RTN1: variants seen among roughly 807,000 people sequenced by gnomAD.
The protein encoded by RTN1 is reticulon-1.
Under a neutral mutation model 65.5 loss-of-function variants are expected in RTN1, and 25 were observed. The observed-to-expected ratio is 0.38, with a 90% CI of 0.28 to 0.53. The LOEUF (loss-of-function observed/expected upper bound fraction) is 0.53, where lower values mean the gene tolerates loss of function less well. Among genes scored for constraint, RTN1 ranks in the 20% least tolerant of loss-of-function variants. The pLI is 0.79. For synonymous variants in RTN1, 471 were observed against 447.6 expected, an observed-to-expected ratio of 1.05 and a Z score of -0.66; for missense variants, 983 against 1,025.4, an observed-to-expected ratio of 0.96 and a Z score of 0.57.
chr14:59,627,522 C>CT (rs1162883078), intron 3 of RTN1, among the ~76,000 whole-genome samples: 1 of 152,216 alleles, frequency 6.6e-6, no homozygotes, highest in Admixed American at 6.5e-5. Context: ...AGATTGTTAT[C>CT]TATACAGGTG....
chr14:59,712,251 A>G (rs1692706479), intron 3 of RTN1, among the ~76,000 whole-genome samples: 1 of 152,218 alleles, frequency 6.6e-6, no homozygotes, highest in African/African-American at 2.4e-5. Flanking sequence ...AAATCTATAT[A>G]CAGCAGATAG....
At chr14:59,858,119 C>A (rs74061333) in intron 1 of RTN1, among the ~76,000 whole-genome samples, 48 of 152,296 alleles carry the variant, frequency 3.2e-4, no homozygotes, top group African/African-American at 1.1e-3. Flanking sequence ...TATCTCCCAA[C>A]TGGATGGTAA....
chr14:59,811,338 C>A (rs1028003477), intron 1 of RTN1, among the ~76,000 whole-genome samples: 1 of 152,324 alleles, frequency 6.6e-6, no homozygotes, highest in Middle Eastern at 3.4e-3. Flanking sequence ...AATGAACTGA[C>A]ACTTCTAGTC....
At chr14:59,767,921 A>G (rs1272435312) in intron 1 of RTN1, among the ~76,000 whole-genome samples, 2 of 152,222 alleles carry the variant, frequency 1.3e-5, no homozygotes, top group Non-Finnish European at 1.5e-5. Context: ...AGCTACATAC[A>G]TCAGTTAACC....
intron 1 of RTN1, among the ~76,000 whole-genome samples, chr14:59,784,538 A>G (rs1886218124): frequency 6.6e-6 from 1 of 152,054 alleles, no homozygotes; most frequent in South Asian, 2.1e-4. Flanking sequence ...GGTCAAATCT[A>G]CAGATTTTTG....
At chr14:59,744,655 C>A (rs1255856255) in intron 2 of RTN1, among the ~76,000 whole-genome samples, 1 of 152,056 alleles carries the variant, frequency 6.6e-6, no homozygotes, top group Non-Finnish European at 1.5e-5. Context: ...TATAAAATGA[C>A]AGTGTTGAGA....
At chr14:59,869,590 G>A (rs1021137057) in intron 1 of RTN1, among the ~76,000 whole-genome samples, 3 of 122,344 alleles carry the variant, frequency 2.5e-5, no homozygotes, top group Non-Finnish European at 5.0e-5. Context: ...GGGGGGGGGG[G>A]GGCGCTTAGA....
intron 3 of RTN1, among the ~76,000 whole-genome samples, chr14:59,700,981 T>C (rs1665355026): frequency 6.6e-6 from 1 of 152,078 alleles, no homozygotes; most frequent in African/African-American, 2.4e-5. Flanking sequence ...ATAAGGAGAA[T>C]GTACCTAGAA....
chr14:59,597,885 CCCG>C (rs1881452259), intron 8 of RTN1, among the ~76,000 whole-genome samples: 1 of 151,978 alleles, frequency 6.6e-6, no homozygotes, highest in Non-Finnish European at 1.5e-5. Flanking sequence ...AGATGAGAAG[CCCG>C]TTTGCTTGGG....
chr14:59,704,896 T>C (rs1310536557), intron 3 of RTN1, among the ~76,000 whole-genome samples: 1 of 151,952 alleles, frequency 6.6e-6, no homozygotes, highest in Non-Finnish European at 1.5e-5. Flanking sequence ...AAGGGAGAAA[T>C]GGGTAATCAG....
chr14:59,723,647 A>G (rs1022925080), intron 3 of RTN1, among the ~76,000 whole-genome samples: 4 of 152,150 alleles, frequency 2.6e-5, no homozygotes, highest in Non-Finnish European at 4.4e-5. Flanking sequence ...ATAAATTAAA[A>G]AAAATAAAAC....
At chr14:59,678,180 G>A (rs1448778119) in intron 3 of RTN1, among the ~76,000 whole-genome samples, 1 of 152,212 alleles carries the variant, frequency 6.6e-6, no homozygotes, top group Non-Finnish European at 1.5e-5. Flanking sequence ...GGAGGATTTG[G>A]AAGGCTGCCA....
chr14:59,817,004 T>A (rs2139620564), intron 1 of RTN1, among the ~76,000 whole-genome samples: 1 of 152,070 alleles, frequency 6.6e-6, no homozygotes, highest in South Asian at 2.1e-4. Flanking sequence ...TAAGGGCAAA[T>A]CTAAGCATGA....
At chr14:59,626,467 C>T (rs904333364) in intron 3 of RTN1, among the ~76,000 whole-genome samples, 1 of 152,190 alleles carries the variant, frequency 6.6e-6, no homozygotes, top group African/African-American at 2.4e-5. Context: ...AACCATACTA[C>T]TAAGCATCCT....
rs541396878 is a variant in RTN1, at chr14:59,796,582, T to C, written c.242-50101A>G. On this transcript the variant is annotated intron_variant, in intron 1 of 8. Transcript: ENST00000267484. Reference sequence around the variant, plus strand: ...CTATACCCTTTTACATCAATACTTGTAGTTGCATGAACATTCTATGCTGTC... The same window carrying C: ...CTATACCCTTTTACATCAATACTTGCAGTTGCATGAACATTCTATGCTGTC... Among the ~76,000 whole-genome samples the C allele has an allele frequency of 2.6e-5, 4 of 152,328 alleles. No homozygotes were observed. The South Asian group carries it at 6.2e-4, about 24-fold the overall frequency.
chr14:59,683,061 C>A (rs772121263), intron 3 of RTN1, among the ~76,000 whole-genome samples: 2 of 152,072 alleles, frequency 1.3e-5, no homozygotes, highest in African/African-American at 4.8e-5. Flanking sequence ...ATCTGCCAAT[C>A]CCATTTCTCC....
At chr14:59,606,779 G>C (rs1881771335) in intron 4 of RTN1, among the ~76,000 whole-genome samples, 1 of 152,198 alleles carries the variant, frequency 6.6e-6, no homozygotes, top group Non-Finnish European at 1.5e-5. Context: ...AAAATGTAGA[G>C]GAGGATACAT....
intron 3 of RTN1, among the ~76,000 whole-genome samples, chr14:59,639,314 C>T (rs1177922480): frequency 2.0e-5 from 3 of 152,066 alleles, no homozygotes; most frequent in Non-Finnish European, 4.4e-5. Context: ...TAAGAATCAG[C>T]AAAATGTTAC....
intron 1 of RTN1, among the ~76,000 whole-genome samples, chr14:59,753,968 C>T (rs187455185): frequency 1.1e-4 from 17 of 152,330 alleles, no homozygotes. Flanking sequence ...TTGAGAGTCG[C>T]TGTGTTAACC....
Sources: allele counts gnomAD v4.1 joint callset (sites outside exome capture counted in the v4.1 genomes callset), GRCh38; gene constraint gnomAD v4.1.1; transcripts MANE v1.5; gene names NCBI Gene and HGNC (gene_info 2026-07-23, HGNC 2026-07-21).